GNG2: variants seen among roughly 807,000 people sequenced by gnomAD.
The protein encoded by GNG2 is G protein subunit gamma 2.
In GNG2, 5 loss-of-function variants were observed where a neutral mutation model predicts 5.5. The ratio of observed to expected loss-of-function variants is 0.91; its 90% confidence interval spans 0.48 to 1.92. GNG2 has a LOEUF of 1.92. GNG2 is among the 30% of genes most tolerant of loss of function. The probability of loss-of-function intolerance (pLI) is 0.01; values close to 1 mark genes in which losing one functional copy is unlikely to be tolerated. For missense variants in GNG2, 55 were observed against 88.4 expected (o/e 0.62, Z 1.52); for synonymous variants, 28 against 32.0 (o/e 0.88, Z 0.42).
intron 1 of GNG2, among the ~76,000 whole-genome samples, chr14:51,861,108 T>A (rs1403874610): frequency 6.6e-6 from 1 of 152,170 alleles, no homozygotes; most frequent in African/African-American, 2.4e-5. Flanking sequence ...TGTGGTCTGG[T>A]CATCGGAGCC....
At chr14:51,861,925 AAAAG>A (rs1351966440) in intron 1 of GNG2, among the ~76,000 whole-genome samples, 3 of 152,098 alleles carry the variant, frequency 2.0e-5, no homozygotes, top group Non-Finnish European at 4.4e-5. Flanking sequence ...ATAATTTTTC[AAAAG>A]AAAGAGAAAA....
intron 2 of GNG2, among the ~76,000 whole-genome samples, chr14:51,835,385 A>T (rs959251126): frequency 3.9e-5 from 6 of 152,242 alleles, no homozygotes; most frequent in Admixed American, 6.5e-5. Flanking sequence ...TTCAGACCTC[A>T]GTTCTCCCAG....
chr14:51,837,785 T>C (rs1247347191), intron 2 of GNG2, among the ~76,000 whole-genome samples: 1 of 152,078 alleles, frequency 6.6e-6, no homozygotes, highest in Non-Finnish European at 1.5e-5. Context: ...AAAAGAAGAA[T>C]GTTTGAATAA....
chr14:51,914,210 G>A, intron 2 of GNG2: 1 of 702,024 alleles, frequency 1.4e-6, no homozygotes, highest in South Asian at 1.5e-5. Context: ...GCTGGAGGCT[G>A]CCAGAAATGA....
chr14:51,922,951 C>T (rs1396109383), intron 2 of GNG2, among the ~76,000 whole-genome samples: 1 of 152,200 alleles, frequency 6.6e-6, no homozygotes, highest in Non-Finnish European at 1.5e-5. Flanking sequence ...GCAAGACTTA[C>T]TCAAGGCAGC....
intron 2 of GNG2, among the ~76,000 whole-genome samples, chr14:51,945,776 ATG>A (rs1294817948): frequency 8.6e-6 from 1 of 115,924 alleles, no homozygotes; most frequent in East Asian, 3.3e-4. Flanking sequence ...GTGTGCATGT[ATG>A]TGTATGTGTA....
intron 2 of GNG2, among the ~76,000 whole-genome samples, chr14:51,841,837 C>T (rs548660196): frequency 1.3e-5 from 2 of 152,238 alleles, no homozygotes; most frequent in Admixed American, 1.3e-4. Context: ...GCAATGCAGA[C>T]TCCATCAAGA....
intron 1 of GNG2, among the ~76,000 whole-genome samples, chr14:51,876,873 A>G (rs1408160700): frequency 4.6e-5 from 7 of 152,206 alleles, no homozygotes; most frequent in Non-Finnish European, 1.0e-4. Context: ...CAGACACTGC[A>G]AAATAGGAAT....
chr14:51,862,767 C>T (rs1275378684), intron 1 of GNG2, among the ~76,000 whole-genome samples: 8 of 152,218 alleles, frequency 5.3e-5, no homozygotes, highest in Non-Finnish European at 1.0e-4. Context: ...ATTTCTTAAT[C>T]GTTAAATTCC....
At chr14:51,961,365 G>A (rs540729880) in intron 3 of GNG2, among the ~76,000 whole-genome samples, 5 of 152,220 alleles carry the variant, frequency 3.3e-5, no homozygotes, top group South Asian at 4.1e-4. Context: ...GTAAATATTC[G>A]TTGCATGAAA....
chr14:51,851,771 T>C lies in GNG2; in HGVS notation c.64+23964T>C, dbSNP rs142711354. Among the ~76,000 whole-genome samples, 810 of 152,338 alleles carry C rather than the reference T, an allele frequency of 5.3e-3. 30 individuals carry two copies. Among genetic ancestry groups the C allele is most frequent in the Admixed American group, 0.048 (741 of 15,290 alleles). ...CTTCTTTAAAATCTTATCTTTTCTC[T>C]AGTGGTGCCTTCTCAGCTGTGGGGC... is the stretch of plus-strand genomic sequence containing the variant. On this transcript the variant is annotated intron_variant, in intron 2 of 3. Transcript: ENST00000553432.
rs1161357262 is a variant in GNG2 at position 51,929,030 on chromosome 14, A to G, written c.-29-21620A>G. 5.3e-5 allele frequency among the ~76,000 whole-genome samples: 8 copies of G among 152,216 alleles called. No homozygotes were observed. In the South Asian group the frequency reaches 6.2e-4, roughly 12 times the overall value. On this transcript the variant is annotated intron_variant, in intron 2 of 3. Coordinates refer to ENST00000556766, the MANE Select transcript of GNG2 (RefSeq NM_053064.5). ...AAAGATTCTGTTCTGTCGTTTATCTATATGTGAAGCTCAGGAATAAGAAGT... is the reference window on the plus strand; with the variant it reads ...AAAGATTCTGTTCTGTCGTTTATCTGTATGTGAAGCTCAGGAATAAGAAGT...
chr14:51,936,236 A>C (rs1283428867), intron 2 of GNG2, among the ~76,000 whole-genome samples: 1 of 152,164 alleles, frequency 6.6e-6, no homozygotes, highest in Non-Finnish European at 1.5e-5. Context: ...GTTCTGCAAG[A>C]TACTTCTGGG....
Position 51,967,276 on chromosome 14 carries a change from T to C in GNG2, c.*589T>C, listed in dbSNP as rs1240286625. ...TCCAAGAATGATCACACAAAATGTT[T>C]AGGGAGATGTTCCCCGTGGTGTATC... On this transcript the variant is annotated 3_prime_UTR_variant, in exon 4 of 4. Transcript: ENST00000556766. The C allele has an allele frequency of 6.6e-6, 1 of 152,302 alleles. No individual in the cohort carries two copies. The highest frequency in any genetic ancestry group is 1.5e-5 in the Non-Finnish European group (1 of 68,172). 9.4% of individuals were successfully genotyped at this position (152,302 alleles called of 1,614,324 possible).
chr14:51,965,727 G>T (rs907706561), intron 3 of GNG2, among the ~76,000 whole-genome samples: 2 of 152,154 alleles, frequency 1.3e-5, no homozygotes, highest in African/African-American at 4.8e-5. Context: ...AAGGGAAATT[G>T]ACATGGTTTT....
intron 2 of GNG2, among the ~76,000 whole-genome samples, chr14:51,917,070 G>T (rs960069745): frequency 6.6e-5 from 10 of 152,176 alleles, no homozygotes; most frequent in African/African-American, 2.4e-4. Flanking sequence ...GCATGACTGT[G>T]GCTAGAGGGG....
intron 2 of GNG2, among the ~76,000 whole-genome samples, chr14:51,850,835 A>C (rs1014971054): frequency 1.3e-5 from 2 of 152,074 alleles, no homozygotes; most frequent in African/African-American, 4.8e-5. Context: ...AAGTGATCAG[A>C]TCTCCTGTGA....
chr14:51,950,531 G>T, intron 2 of GNG2, 119 bp from the exon 3 acceptor site: 1 of 623,884 alleles, frequency 1.6e-6, no homozygotes, highest in South Asian at 2.1e-5. Flanking sequence ...GATGGAGAGG[G>T]CTGGAGAAGC....
chr14:51,828,076 T>C (rs1409643575), intron 2 of GNG2, among the ~76,000 whole-genome samples: 1 of 152,224 alleles, frequency 6.6e-6, no homozygotes, highest in Admixed American at 6.5e-5. Flanking sequence ...TAGAACTGAC[T>C]AGCTTCCTCA....
Sources: allele counts gnomAD v4.1 joint callset (sites outside exome capture counted in the v4.1 genomes callset), GRCh38; gene constraint gnomAD v4.1.1; transcripts MANE v1.5; gene names NCBI Gene and HGNC (gene_info 2026-07-23, HGNC 2026-07-21).